Variants in OIP5 observed in about 807,000 individuals in gnomAD.
OIP5 encodes the protein protein Mis18-beta.
In OIP5, 24 loss-of-function variants were observed where a neutral mutation model predicts 20.3. The ratio of observed to expected loss-of-function variants is 1.18; its 90% CI spans 0.86 to 1.66. The LOEUF is 1.66. OIP5 is among the 40% of genes most tolerant of loss of function. The pLI is 0.00. For missense variants in OIP5, 339 were observed against 289.5 expected, an observed-to-expected ratio of 1.17 and a Z score of -1.24; for synonymous variants, 143 against 121.3, an observed-to-expected ratio of 1.18 and a Z score of -1.17.
Position 41,319,677 on chromosome 15 carries a change from AAAGGCAGAAGTGACCTCTC to A in OIP5, c.474_492del (p.Leu158PhefsTer11). 6.2e-7 allele frequency: 1 copy of A among 1,613,450 alleles called. No individual in the cohort carries two copies. The highest frequency in any genetic ancestry group is 8.5e-7 in the Non-Finnish European group (1 of 1,179,716). On this transcript the variant is annotated frameshift_variant, in exon 3 of 5. Transcript: ENST00000220514. LOFTEE classifies it high-confidence loss of function. ...ACTCACCACACCATTTTGTCACTGGAAAGGCAGAAGTGACCTCTCAAGGCAGCCAGGGCAGCATGGGTAG... is the reference window on the plus strand; with the variant it reads ...ACTCACCACACCATTTTGTCACTGGAAAGGCAGCCAGGGCAGCATGGGTAG...
At chr15:41,330,570 AT>A (rs1479806982) in intron 2 of OIP5, among the ~76,000 whole-genome samples, 5 of 151,690 alleles carry the variant, frequency 3.3e-5, no homozygotes, top group African/African-American at 4.8e-5. Flanking sequence ...TGCCTGGCTA[AT>A]TTTTTGTATT....
intron 3 of OIP5, among the ~76,000 whole-genome samples, chr15:41,317,771 T>A (rs1448143498): frequency 6.6e-6 from 1 of 152,130 alleles, no homozygotes; most frequent in African/African-American, 2.4e-5. Context: ...CTTGAACTCC[T>A]GGGCTGTAGC....
intron 3 of OIP5, among the ~76,000 whole-genome samples, chr15:41,317,404 A>G (rs1483796640): frequency 5.4e-5 from 8 of 146,966 alleles, no homozygotes; most frequent in Non-Finnish European, 1.2e-4. Flanking sequence ...TTTTTGAGAC[A>G]GAGTCTCGCT....
rs370897066 is a variant in OIP5, at chr15:41,316,515, C to T, written c.512+3143G>A. On this transcript the variant is annotated intron_variant, in intron 3 of 4. Coordinates refer to ENST00000220514, the MANE Select transcript of OIP5 (RefSeq NM_007280.2). ...TAAGAAATGAGAAAAAGCGGCCGGG[C>T]GCGGTGGCTCATGCCTGTAATCCCA... is the stretch of plus-strand genomic sequence containing the variant. 2.6e-5 allele frequency among the ~76,000 whole-genome samples: 4 copies of T among 151,988 alleles called. No individual in the cohort carries two copies. In the East Asian group the frequency reaches 5.8e-4, roughly 22 times the overall value.
At position 41,316,884 on chromosome 15, in the gene OIP5, C is replaced by A. The variant is rs552679595; in HGVS notation, c.512+2774G>T. On this transcript the variant is annotated intron_variant, in intron 3 of 4. Coordinates refer to ENST00000220514, the MANE Select transcript of OIP5 (RefSeq NM_007280.2). Reference sequence around the variant, plus strand: ...TTTGAGTTAAGACATGCTCAAATCTCAGCTCTTCCACCTCTTTGAGCCCTA... The same window carrying A: ...TTTGAGTTAAGACATGCTCAAATCTAAGCTCTTCCACCTCTTTGAGCCCTA... 1.8e-3 allele frequency among the ~76,000 whole-genome samples: 280 copies of A among 151,644 alleles called. 1 individual carries two copies. Among genetic ancestry groups the A allele is most frequent in the Non-Finnish European group, 2.9e-3 (197 of 67,918 alleles).
At chr15:41,322,390 G>A (rs1175154237) in intron 2 of OIP5, among the ~76,000 whole-genome samples, 3 of 152,164 alleles carry the variant, frequency 2.0e-5, no homozygotes, top group Non-Finnish European at 2.9e-5. Context: ...TTAATATATA[G>A]TATGAAGTTT....
At chr15:41,313,577 T>C (rs189348128) in intron 3 of OIP5, among the ~76,000 whole-genome samples, 3 of 152,260 alleles carry the variant, frequency 2.0e-5, no homozygotes, top group Admixed American at 6.5e-5. Context: ...AAAAACTGGA[T>C]TGTGTCTGTA....
intron 4 of OIP5, among the ~76,000 whole-genome samples, chr15:41,312,468 AT>A (rs1002807930): frequency 1.0e-4 from 15 of 146,468 alleles, no homozygotes; most frequent in Non-Finnish European, 1.5e-4. Context: ...GGCAAGAATT[AT>A]TTTTTTTTGA....
intron 2 of OIP5, among the ~76,000 whole-genome samples, chr15:41,325,608 T>C (rs1485302262): frequency 6.6e-6 from 1 of 150,594 alleles, no homozygotes; most frequent in East Asian, 1.9e-4. Context: ...CCCAGCACTA[T>C]GGGAAGCCAA....
chr15:41,326,110 C>G (rs2047860312), intron 2 of OIP5, among the ~76,000 whole-genome samples: 1 of 152,014 alleles, frequency 6.6e-6, no homozygotes, highest in African/African-American at 2.4e-5. Context: ...TTCAGTGAGC[C>G]GAGATAATGC....
intron 2 of OIP5, among the ~76,000 whole-genome samples, chr15:41,331,124 T>C (rs2047903300): frequency 6.6e-6 from 1 of 152,204 alleles, no homozygotes; most frequent in South Asian, 2.1e-4. Context: ...AACCGTAACG[T>C]TGAATCAAAC....
chr15:41,323,762 T>C (rs559658531), intron 2 of OIP5, among the ~76,000 whole-genome samples: 1 of 152,040 alleles, frequency 6.6e-6, no homozygotes, highest in South Asian at 2.1e-4. Context: ...TGAGTCACTG[T>C]GACCAGCTCC....
At chr15:41,321,917 C>CAGTA (rs2047832288) in intron 2 of OIP5, among the ~76,000 whole-genome samples, 1 of 130,518 alleles carries the variant, frequency 7.7e-6, no homozygotes, top group African/African-American at 3.4e-5. Context: ...CAAGAATGAT[C>CAGTA]AATAAAAAAA....
At chr15:41,318,286 C>A (rs912929120) in intron 3 of OIP5, among the ~76,000 whole-genome samples, 1 of 152,148 alleles carries the variant, frequency 6.6e-6, no homozygotes, top group African/African-American at 2.4e-5. Context: ...CCTCACCTCC[C>A]GAGTAGCTGC....
At position 41,326,004 on chromosome 15, in the gene OIP5, A is replaced by ATTG. The variant is rs554556149; in HGVS notation, c.389+5910_389+5911insCAA. Among the ~76,000 whole-genome samples the ATTG allele has an allele frequency of 3.7e-3, 568 of 152,100 alleles. 2 individuals carry two copies. Among genetic ancestry groups the ATTG allele is most frequent in the South Asian group, 6.2e-3 (30 of 4,808 alleles). On this transcript the variant is annotated intron_variant, in intron 2 of 4. Coordinates refer to ENST00000220514, the MANE Select transcript of OIP5 (RefSeq NM_007280.2). ...TGGCAAAACCCTGTCTCTACTGAAA[A>ATTG]TACAAAAGTTAGCTGGGTGTGGTAG...
Position 41,313,262 on chromosome 15 carries a change from T to C in OIP5, c.594+11A>G, listed in dbSNP as rs780442793. On this transcript the variant is annotated intron_variant, in intron 4 of 4. Coordinates refer to ENST00000220514, the MANE Select transcript of OIP5 (RefSeq NM_007280.2). ...ATTTTAAAAAAGCATACAACCATCA[T>C]GAAATTTTACCTCTGCAATCTTTTC... is the stretch of plus-strand genomic sequence containing the variant. The C allele has an allele frequency of 6.5e-7, 1 of 1,530,580 alleles. No individual in the cohort carries two copies. Among genetic ancestry groups the C allele is most frequent in the Non-Finnish European group, 9.0e-7 (1 of 1,110,488 alleles). 94.8% of individuals were successfully genotyped at this position (1,530,580 alleles called of 1,614,324 possible).
At position 41,309,813 on chromosome 15, in the gene OIP5, T is replaced by G. The variant is rs1202139571; in HGVS notation, c.631A>C (p.Lys211Gln). The change falls in exon 5 of 5, where the codon AAA becomes CAA. Residue 211 changes from lysine to glutamine, a missense_variant. Lys to Gln is a moderately conservative substitution (Grantham distance 53). Coordinates refer to ENST00000220514, the MANE Select transcript of OIP5 (RefSeq NM_007280.2). ...EKIVLTHNRL[K>Q]SLMKILSEVT... ...TCACTCAGAATCTTCATTAGTGATT[T>G]TAAGCGATTGTGCGTTAGCACTATC... is the stretch of plus-strand genomic sequence containing the variant. 16 of 1,613,854 alleles carry G rather than the reference T, an allele frequency of 9.9e-6. No homozygotes were observed. Among genetic ancestry groups the G allele is most frequent in the Non-Finnish European group, 1.4e-5 (16 of 1,179,864 alleles).
intron 2 of OIP5, among the ~76,000 whole-genome samples, chr15:41,321,397 C>G (rs908061190): frequency 3.3e-5 from 5 of 152,206 alleles, no homozygotes; most frequent in Non-Finnish European, 5.9e-5. Context: ...GCCCCTCTGC[C>G]CGGCCACCAC....
intron 2 of OIP5, among the ~76,000 whole-genome samples, chr15:41,328,783 G>C (rs2047878120): frequency 6.6e-6 from 1 of 152,102 alleles, no homozygotes; most frequent in African/African-American, 2.4e-5. Context: ...GTTAAGGCCT[G>C]GTGCGGTGGC....
Sources: gnomAD v4.1 joint callset for allele counts (sites outside exome capture counted in the v4.1 genomes callset) on GRCh38, gnomAD v4.1.1 for gene constraint, MANE v1.5 for transcripts, NCBI Gene and HGNC (gene_info 2026-07-23, HGNC 2026-07-21) for gene names.